The following ATG5 variants were observed in gnomAD, a reference collection of about 807,000 sequenced individuals.
The protein encoded by ATG5 is autophagy related 5, also known as autophagy protein 5.
In ATG5, 14 loss-of-function variants were observed where a neutral mutation model predicts 36.5. That is an observed-to-expected ratio of 0.38 (90% confidence interval 0.25 to 0.60). The LOEUF (loss-of-function observed/expected upper bound fraction) is 0.60. ATG5 is among the 20% of genes least tolerant of loss of function. The pLI, the probability that ATG5 is intolerant of heterozygous loss-of-function variation, is 0.60. For synonymous variants in ATG5, 95 were observed against 101.5 expected (o/e 0.94, Z 0.38); for missense variants, 195 against 326.7 (o/e 0.60, Z 3.11).
chr6:106,227,821 G>C (rs1304587610), intron 6 of ATG5, among the ~76,000 whole-genome samples: 10 of 152,180 alleles, frequency 6.6e-5, no homozygotes, highest in Non-Finnish European at 1.3e-4. Flanking sequence ...ACTGATGACT[G>C]AAATACAGAA....
chr6:106,230,723 T>C (rs1484393636), intron 6 of ATG5, among the ~76,000 whole-genome samples: 2 of 152,042 alleles, frequency 1.3e-5, no homozygotes, highest in African/African-American at 4.8e-5. Flanking sequence ...TGGGACCAAT[T>C]TGACTCTCAG....
At chr6:106,211,120 T>C (rs1039783720) in intron 6 of ATG5, among the ~76,000 whole-genome samples, 1 of 152,194 alleles carries the variant, frequency 6.6e-6, no homozygotes, top group African/African-American at 2.4e-5. Flanking sequence ...TAGAAGGGTA[T>C]ATATCTGGCT....
chr6:106,210,704 T>C (rs1282693814), intron 6 of ATG5, among the ~76,000 whole-genome samples: 5 of 152,264 alleles, frequency 3.3e-5, no homozygotes, highest in African/African-American at 4.8e-5. Flanking sequence ...TATATGACCC[T>C]AGTCAAATAC....
At chr6:106,253,043 T>A (rs912047788) in intron 5 of ATG5, among the ~76,000 whole-genome samples, 2 of 152,370 alleles carry the variant, frequency 1.3e-5, no homozygotes, top group Admixed American at 1.3e-4. Flanking sequence ...TCAGAGGCTT[T>A]CAAGGTATGT....
chr6:106,286,547 A>G (rs1780086451), intron 4 of ATG5, among the ~76,000 whole-genome samples: 1 of 152,226 alleles, frequency 6.6e-6, no homozygotes, highest in Non-Finnish European at 1.5e-5. Context: ...ACCACCTGGT[A>G]TTCCTATCTT....
intron 4 of ATG5, among the ~76,000 whole-genome samples, chr6:106,286,621 C>A (rs1394101382): frequency 6.6e-6 from 1 of 152,114 alleles, no homozygotes; most frequent in African/African-American, 2.4e-5. Flanking sequence ...TCAAAGAATG[C>A]GGCAAAGGTG....
chr6:106,229,639 G>A lies in ATG5; in HGVS notation c.573+18511C>T, dbSNP rs534739313. On this transcript the variant is annotated intron_variant, in intron 6 of 7. Transcript: ENST00000369076. The stretch of plus-strand genomic sequence containing the variant: ...TAATTGATAATTGAAGGTCTTCTCC[G>A]CGACCCTATAACACTCCAATACTAC... Among the ~76,000 whole-genome samples, 20 of 152,224 alleles carry A rather than the reference G, an allele frequency of 1.3e-4. No homozygotes were observed. The Middle Eastern group carries it at 0.01, about 78-fold the overall frequency.
intron 6 of ATG5, among the ~76,000 whole-genome samples, chr6:106,220,394 A>G (rs1022122030): frequency 1.6e-4 from 25 of 152,212 alleles, no homozygotes; most frequent in African/African-American, 6.0e-4. Flanking sequence ...TGAAAATTTA[A>G]TAAAACCAAA....
Position 106,190,055 on chromosome 6 carries a change from T to A in ATG5, c.692-3379A>T, listed in dbSNP as rs1775914026. Among the ~76,000 whole-genome samples, 2 of 152,208 alleles carry A rather than the reference T, an allele frequency of 1.3e-5. 1 individual carries two copies. The highest frequency in any genetic ancestry group is 3.8e-4 in the East Asian group (2 of 5,200). ...GTTATCACAATAAAAAATACTGATA[T>A]ACCATGATATATAAAATAATAAAAT... is the stretch of plus-strand genomic sequence containing the variant. On this transcript the variant is annotated intron_variant, in intron 7 of 7. Transcript: ENST00000369076.
At chr6:106,293,796 T>C (rs922822286) in intron 3 of ATG5, among the ~76,000 whole-genome samples, 2 of 152,128 alleles carry the variant, frequency 1.3e-5, no homozygotes, top group Middle Eastern at 3.2e-3. Context: ...AACTTAGCAA[T>C]AAATAAACAT....
chr6:106,299,297 C>T (rs556883773), intron 3 of ATG5, among the ~76,000 whole-genome samples: 5 of 152,286 alleles, frequency 3.3e-5, no homozygotes, highest in East Asian at 1.9e-4. Flanking sequence ...GTAAGTGCTA[C>T]GTAAATAGTT....
chr6:106,303,914 A>G (rs1251595684), intron 3 of ATG5, among the ~76,000 whole-genome samples: 1 of 151,648 alleles, frequency 6.6e-6, no homozygotes, highest in East Asian at 1.9e-4. Flanking sequence ...ACACCAGAAG[A>G]TGTCCACTCT....
chr6:106,254,120 TCA>T (rs1187919609), intron 5 of ATG5, among the ~76,000 whole-genome samples: 1 of 152,188 alleles, frequency 6.6e-6, no homozygotes, highest in Non-Finnish European at 1.5e-5. Context: ...TGCTCCCATT[TCA>T]GTTTTAGCAG....
intron 5 of ATG5, among the ~76,000 whole-genome samples, chr6:106,266,783 C>T (rs1779243413): frequency 6.6e-6 from 1 of 152,112 alleles, no homozygotes; most frequent in Admixed American, 6.6e-5. Flanking sequence ...CAGAAAAGGC[C>T]TTAGGTAAAA....
intron 4 of ATG5, among the ~76,000 whole-genome samples, chr6:106,292,135 CAGG>C (rs767432077): frequency 1.9e-4 from 29 of 152,256 alleles, no homozygotes; most frequent in Admixed American, 5.9e-4. Context: ...GACTTGAGGT[CAGG>C]AGTTCAAGAC....
intron 2 of ATG5, among the ~76,000 whole-genome samples, chr6:106,314,586 A>G (rs1770769665): frequency 6.6e-6 from 1 of 152,066 alleles, no homozygotes; most frequent in Non-Finnish European, 1.5e-5. Context: ...TAAATAAATA[A>G]AAGTAAACAG....
At chr6:106,299,067 C>T (rs1770100185) in intron 3 of ATG5, among the ~76,000 whole-genome samples, 1 of 152,168 alleles carries the variant, frequency 6.6e-6, no homozygotes, top group Non-Finnish European at 1.5e-5. Flanking sequence ...CTTCTACCAT[C>T]TAACTTAAAT....
intron 5 of ATG5, among the ~76,000 whole-genome samples, chr6:106,274,497 C>A (rs891976630): frequency 1.1e-4 from 16 of 152,156 alleles, no homozygotes; most frequent in Non-Finnish European, 2.2e-4. Flanking sequence ...TTATAATCTA[C>A]AAGTGCAGTT....
At chr6:106,276,877 G>A in intron 5 of ATG5, among the ~76,000 whole-genome samples, 1 of 152,132 alleles carries the variant, frequency 6.6e-6, no homozygotes. Flanking sequence ...TCTTAAGGAG[G>A]TGTAAATTAT....
Sources: allele counts gnomAD v4.1 joint callset (sites outside exome capture counted in the v4.1 genomes callset), GRCh38; gene constraint gnomAD v4.1.1; transcripts MANE v1.5; gene names NCBI Gene and HGNC (gene_info 2026-07-23, HGNC 2026-07-21).